Variants in AGBL4 observed in about 807,000 individuals in gnomAD.
AGBL4 encodes the protein cytosolic carboxypeptidase 6.
A neutral mutation model predicts 66.4 loss-of-function variants in AGBL4; 58 were observed. The ratio of observed to expected loss-of-function variants is 0.87; its 90% confidence interval spans 0.71 to 1.09. The LOEUF (loss-of-function observed/expected upper bound fraction) is 1.09, where lower values mean the gene tolerates loss of function less well. AGBL4 is among the 50% of genes least tolerant of loss of function. The pLI, the probability that AGBL4 is intolerant of heterozygous loss-of-function variation, is 0.00. For synonymous variants in AGBL4, 234 were observed against 222.9 expected (o/e 1.05, Z -0.44); for missense variants, 579 against 631.0 (o/e 0.92, Z 0.88).
At chr1:49,084,571 T>A (rs1644870213) in intron 4 of AGBL4, among the ~76,000 whole-genome samples, 1 of 152,138 alleles carries the variant, frequency 6.6e-6, no homozygotes, top group Admixed American at 6.5e-5. Flanking sequence ...ACCACCCCCA[T>A]GATTCAATTA....
At chr1:49,358,936 C>T (rs2148532340) in intron 3 of AGBL4, among the ~76,000 whole-genome samples, 1 of 152,226 alleles carries the variant, frequency 6.6e-6, no homozygotes, top group South Asian at 2.1e-4. Flanking sequence ...ATAATAGTCC[C>T]CATATTATAG....
intron 11 of AGBL4, among the ~76,000 whole-genome samples, chr1:48,556,901 T>A (rs1270902103): frequency 6.6e-6 from 1 of 152,190 alleles, no homozygotes; most frequent in Non-Finnish European, 1.5e-5. Flanking sequence ...GCGATTCTGA[T>A]GCCTCAGCCT....
At chr1:49,118,986 G>T (rs1645593271) in intron 4 of AGBL4, among the ~76,000 whole-genome samples, 1 of 152,212 alleles carries the variant, frequency 6.6e-6, no homozygotes, top group South Asian at 2.1e-4. Context: ...GATTTGCGTA[G>T]AGATGTTTAT....
chr1:48,763,187 G>C (rs150452517), intron 6 of AGBL4, among the ~76,000 whole-genome samples: 367 of 152,258 alleles, frequency 2.4e-3, no homozygotes, highest in African/African-American at 8.7e-3. Flanking sequence ...AAAAAAAAGA[G>C]GTGGTCTTTG....
At chr1:49,759,390 A>G (rs560010789) in intron 2 of AGBL4, among the ~76,000 whole-genome samples, 1 of 152,318 alleles carries the variant, frequency 6.6e-6, no homozygotes, top group Admixed American at 6.5e-5. Flanking sequence ...TATTAAGGTC[A>G]TCAAAAATAA....
chr1:48,848,728 G>A (rs956215610), intron 6 of AGBL4, among the ~76,000 whole-genome samples: 9 of 152,244 alleles, frequency 5.9e-5, no homozygotes, highest in East Asian at 5.8e-4. Flanking sequence ...GAAGTCTGCC[G>A]TATTGTGTCC....
chr1:49,983,707 A>C (rs1382168208), intron 1 of AGBL4, among the ~76,000 whole-genome samples: 1 of 152,284 alleles, frequency 6.6e-6, no homozygotes, highest in African/African-American at 2.4e-5. Context: ...TACTTTGATC[A>C]TGAACATTTT....
intron 1 of AGBL4, among the ~76,000 whole-genome samples, chr1:49,938,708 C>T (rs1447170316): frequency 2.0e-5 from 3 of 152,198 alleles, no homozygotes; most frequent in Non-Finnish European, 2.9e-5. Context: ...AATCAATAAA[C>T]GTAATCCAGC....
intron 3 of AGBL4, among the ~76,000 whole-genome samples, chr1:49,362,449 CAAAAAAAA>C (rs145467066): frequency 4.9e-5 from 4 of 80,914 alleles, no homozygotes; most frequent in Non-Finnish European, 9.2e-5. Context: ...GACCCTGTCT[CAAAAAAAA>C]AAAAAAAAAA....
At chr1:49,723,659 TC>T (rs1324580085) in intron 2 of AGBL4, among the ~76,000 whole-genome samples, 1 of 152,156 alleles carries the variant, frequency 6.6e-6, no homozygotes, top group African/African-American at 2.4e-5. Flanking sequence ...AAGATTATTT[TC>T]CAGAAGAATT....
chr1:49,123,540 C>T (rs670366), intron 4 of AGBL4, among the ~76,000 whole-genome samples: 151,530 of 152,346 alleles, frequency 0.99, 75,360 homozygotes, highest in Middle Eastern at 1. Flanking sequence ...CATAGGATTG[C>T]TTTTATCAAT....
At chr1:49,897,554 C>A (rs1649345088) in intron 1 of AGBL4, among the ~76,000 whole-genome samples, 1 of 151,926 alleles carries the variant, frequency 6.6e-6, no homozygotes, top group African/African-American at 2.4e-5. Flanking sequence ...AGATTCAATG[C>A]AATCCCTGTC....
intron 4 of AGBL4, among the ~76,000 whole-genome samples, chr1:49,112,803 C>G (rs1262304241): frequency 6.6e-6 from 1 of 152,176 alleles, no homozygotes; most frequent in Non-Finnish European, 1.5e-5. Context: ...TTCTAGTTAT[C>G]TTGACATTTC....
At chr1:49,117,186 G>A (rs1645543692) in intron 4 of AGBL4, among the ~76,000 whole-genome samples, 1 of 152,032 alleles carries the variant, frequency 6.6e-6, no homozygotes, top group Non-Finnish European at 1.5e-5. Context: ...TCACTCTGAT[G>A]GAAGTTTCTC....
chr1:49,628,318 C>A (rs937388112), intron 3 of AGBL4, among the ~76,000 whole-genome samples: 18 of 152,228 alleles, frequency 1.2e-4, no homozygotes, highest in Non-Finnish European at 2.4e-4. Context: ...TTTCACACAA[C>A]CTGGACCTGC....
At chr1:48,749,474 G>C (rs1651314915) in intron 6 of AGBL4, among the ~76,000 whole-genome samples, 1 of 152,146 alleles carries the variant, frequency 6.6e-6, no homozygotes, top group Admixed American at 6.5e-5. Context: ...AAAGTAACTT[G>C]CCAGAAGTCA....
chr1:49,905,865 C>G (rs1650222139), intron 1 of AGBL4, among the ~76,000 whole-genome samples: 1 of 152,042 alleles, frequency 6.6e-6, no homozygotes, highest in Admixed American at 6.6e-5. Flanking sequence ...ACACCACTTA[C>G]TTCTTGAGTC....
intron 3 of AGBL4, among the ~76,000 whole-genome samples, chr1:49,469,250 T>C (rs1157534159): frequency 1.3e-5 from 2 of 151,870 alleles, no homozygotes; most frequent in Non-Finnish European, 2.9e-5. Context: ...GTTTTTATGT[T>C]TCTCAAATGT....
At chr1:48,552,559 G>A (rs1276178034) in intron 11 of AGBL4, among the ~76,000 whole-genome samples, 2 of 152,122 alleles carry the variant, frequency 1.3e-5, no homozygotes, top group African/African-American at 2.4e-5. Context: ...TGTGTTGTGG[G>A]GGCAGCCCTG....
Sources: allele counts gnomAD v4.1 joint callset (sites outside exome capture counted in the v4.1 genomes callset), GRCh38; gene constraint gnomAD v4.1.1; transcripts MANE v1.5; gene names NCBI Gene and HGNC (gene_info 2026-07-23, HGNC 2026-07-21).